ATP6V1E1: variants seen among roughly 807,000 people sequenced by gnomAD.
ATP6V1E1 encodes ATPase H+ transporting V1 subunit E1.
In ATP6V1E1, 21 loss-of-function variants were observed where a neutral mutation model predicts 35.2. The observed-to-expected ratio is 0.60, with a 90% CI of 0.42 to 0.86. ATP6V1E1 has a LOEUF of 0.86. ATP6V1E1 is among the 40% of genes least tolerant of loss of function. The pLI is 0.00. For missense variants in ATP6V1E1, 183 were observed against 272.6 expected (o/e 0.67, Z 2.32); for synonymous variants, 83 against 87.8 (o/e 0.95, Z 0.30).
chr22:17,600,523 G>C (rs1367129127), intron 5 of ATP6V1E1, among the ~76,000 whole-genome samples: 3 of 152,098 alleles, frequency 2.0e-5, no homozygotes, highest in Non-Finnish European at 4.4e-5. Flanking sequence ...ATTTCCCCTG[G>C]TAAGTTCCAC....
rs2057709003 is a variant in ATP6V1E1, at chr22:17,592,637, G to T, written c.*37C>A. On this transcript the variant is annotated 3_prime_UTR_variant, in exon 9 of 9. Transcript: ENST00000253413. ...AAATATCAGAAGCTTCCACATCACA[G>T]CAGGAGAGCTGACGACGAGCTCCAC... The T allele has an allele frequency of 6.3e-7, 1 of 1,593,572 alleles. No homozygotes were observed.
chr22:17,627,408 C>T (rs1487917878), intron 1 of ATP6V1E1, among the ~76,000 whole-genome samples: 4 of 151,790 alleles, frequency 2.6e-5, no homozygotes, highest in Non-Finnish European at 5.9e-5. Context: ...GTATTACAGA[C>T]GTGAGCCACC....
At chr22:17,627,982 TG>T (rs1390002219) in intron 1 of ATP6V1E1, among the ~76,000 whole-genome samples, 18 of 143,548 alleles carry the variant, frequency 1.3e-4, no homozygotes, top group African/African-American at 3.5e-4. Context: ...AAGGCTGGTT[TG>T]TTTTTTTTTT....
intron 1 of ATP6V1E1, among the ~76,000 whole-genome samples, chr22:17,620,888 C>T (rs890400540): frequency 6.6e-6 from 1 of 152,072 alleles, no homozygotes; most frequent in Non-Finnish European, 1.5e-5. Flanking sequence ...AGGGTGAAAC[C>T]CCATCTCTAC....
chr22:17,594,213 C>CA (rs781080116), intron 8 of ATP6V1E1, among the ~76,000 whole-genome samples: 1 of 151,956 alleles, frequency 6.6e-6, no homozygotes, highest in Non-Finnish European at 1.5e-5. Context: ...CAAAACAAAA[C>CA]AAAAAAACAC....
intron 4 of ATP6V1E1, among the ~76,000 whole-genome samples, chr22:17,611,714 G>A (rs931596167): frequency 3.3e-5 from 5 of 152,208 alleles, no homozygotes; most frequent in Non-Finnish European, 5.9e-5. Flanking sequence ...AGAATTTAGT[G>A]ATGGACTTGG....
chr22:17,621,555 G>A (rs889368644), intron 1 of ATP6V1E1, among the ~76,000 whole-genome samples: 2 of 152,056 alleles, frequency 1.3e-5, no homozygotes, highest in East Asian at 1.9e-4. Context: ...TTGGCTTCCC[G>A]AAGTGCTGGG....
At chr22:17,624,886 C>T (rs2057896165) in intron 1 of ATP6V1E1, among the ~76,000 whole-genome samples, 1 of 152,006 alleles carries the variant, frequency 6.6e-6, no homozygotes, top group African/African-American at 2.4e-5. Context: ...ACTAGCTTTT[C>T]CTATGGAAGC....
At chr22:17,612,758 G>C in intron 4 of ATP6V1E1, 54 bp downstream of exon 4, 1 of 1,360,020 alleles carries the variant, frequency 7.4e-7, no homozygotes, top group Non-Finnish European at 1.0e-6. Context: ...ATTTACAACA[G>C]GGAAATGAAT....
chr22:17,615,087 G>T (rs1740838152), intron 2 of ATP6V1E1, among the ~76,000 whole-genome samples: 1 of 152,002 alleles, frequency 6.6e-6, no homozygotes, highest in Non-Finnish European at 1.5e-5. Flanking sequence ...CGGATCACAA[G>T]GTCGGGAGTT....
chr22:17,600,106 TA>T lies in ATP6V1E1; in HGVS notation c.367-12del, dbSNP rs375465370. On this transcript the variant is annotated splice_polypyrimidine_tract_variant and intron_variant, in intron 5 of 8. Transcript: ENST00000253413. ...CAACTGGTACAAACCCTGGAAGAAA[TA>T]GTAGATACAGTCAGTAGAAAATGCA... 132 of 1,609,236 alleles carry T rather than the reference TA, an allele frequency of 8.2e-5. No homozygotes were observed. In the African/African-American group the frequency reaches 1.5e-3, roughly 18 times the overall value.
At chr22:17,612,430 T>C (rs1164375663) in intron 4 of ATP6V1E1, among the ~76,000 whole-genome samples, 1 of 152,224 alleles carries the variant, frequency 6.6e-6, no homozygotes, top group African/African-American at 2.4e-5. Flanking sequence ...GCCTTATTTA[T>C]GATATTCTCC....
chr22:17,600,132 A>C lies in ATP6V1E1; in HGVS notation c.367-37T>G, dbSNP rs187404229. On this transcript the variant is annotated intron_variant, in intron 5 of 8. Transcript: ENST00000253413. ...AGTAGATACAGTCAGTAGAAAATGC[A>C]AACTATAAAATAAAGAAACAGGTCG... The C allele has an allele frequency of 5.9e-3, 9,209 of 1,571,278 alleles. 39 individuals carry two copies. The highest frequency in any genetic ancestry group is 7.3e-3 in the Non-Finnish European group (8,377 of 1,141,302).
chr22:17,604,483 G>A (rs902930390), intron 4 of ATP6V1E1, among the ~76,000 whole-genome samples: 4 of 151,562 alleles, frequency 2.6e-5, no homozygotes, highest in Admixed American at 6.6e-5. Flanking sequence ...CCCTGGCCCT[G>A]CCTAGTCTGA....
chr22:17,594,732 A>C (rs769018395), intron 7 of ATP6V1E1, 116 bp from the exon 8 acceptor site: 24 of 785,474 alleles, frequency 3.1e-5, no homozygotes, highest in Non-Finnish European at 4.4e-5. Context: ...GCGCAACCTA[A>C]GCAACAGGCT....
intron 2 of ATP6V1E1, 104 bp from the exon 3 acceptor site, chr22:17,613,424 T>C (rs909614657): frequency 7.4e-6 from 6 of 815,288 alleles, no homozygotes; most frequent in Non-Finnish European, 1.2e-5. Flanking sequence ...TAATTTCATA[T>C]ATAAAACAGA....
chr22:17,623,635 T>A (rs1390095147), intron 1 of ATP6V1E1, among the ~76,000 whole-genome samples: 2 of 149,336 alleles, frequency 1.3e-5, no homozygotes, highest in Non-Finnish European at 3.0e-5. Context: ...CACGCCTGGG[T>A]GACAGAGCAA....
chr22:17,624,880 G>C (rs921556302), intron 1 of ATP6V1E1, among the ~76,000 whole-genome samples: 2 of 152,038 alleles, frequency 1.3e-5, no homozygotes, highest in Non-Finnish European at 2.9e-5. Context: ...CTTTATACTA[G>C]CTTTTCCTAT....
At chr22:17,601,030 T>C (rs143624896) in intron 5 of ATP6V1E1, 62 bp downstream of exon 5, 212 of 1,375,498 alleles carry the variant, frequency 1.5e-4, no homozygotes, top group South Asian at 1.5e-3. Flanking sequence ...TGGTCTCTAA[T>C]AGGCATTCTA....
Sources: gnomAD v4.1 joint callset for allele counts (sites outside exome capture counted in the v4.1 genomes callset) on GRCh38, gnomAD v4.1.1 for gene constraint, MANE v1.5 for transcripts, NCBI Gene and HGNC (gene_info 2026-07-23, HGNC 2026-07-21) for gene names.